The following FAM222B variants were observed in gnomAD, a reference collection of about 807,000 sequenced individuals.
The protein encoded by FAM222B is protein FAM222B.
In FAM222B, 12 loss-of-function variants were observed where a neutral mutation model predicts 38.0. The observed-to-expected ratio is 0.32, with a 90% CI of 0.20 to 0.51. FAM222B has a LOEUF of 0.51. Ranked by LOEUF, FAM222B falls within the 20% of genes least tolerant of loss-of-function variation. The probability of loss-of-function intolerance (pLI) is 0.97; values close to 1 mark genes in which losing one functional copy is unlikely to be tolerated. For synonymous variants in FAM222B, 329 were observed against 317.2 expected (o/e 1.04, Z -0.40); for missense variants, 716 against 754.2 (o/e 0.95, Z 0.59).
At chr17:28,811,354 C>A (rs770445851) in intron 1 of FAM222B, among the ~76,000 whole-genome samples, 1 of 152,134 alleles carries the variant, frequency 6.6e-6, no homozygotes, top group Admixed American at 6.6e-5. Context: ...ACAGGGGAAT[C>A]GCTTGAACCC....
intron 1 of FAM222B, among the ~76,000 whole-genome samples, chr17:28,823,639 C>A (rs1231603927): frequency 1.3e-5 from 2 of 152,190 alleles, no homozygotes; most frequent in Non-Finnish European, 2.9e-5. Context: ...CCTTCTAAAA[C>A]ATCACTTTCT....
intron 1 of FAM222B, among the ~76,000 whole-genome samples, chr17:28,821,524 T>G (rs1351270403): frequency 6.6e-6 from 1 of 152,180 alleles, no homozygotes; most frequent in African/African-American, 2.4e-5. Context: ...ACTGATGTAC[T>G]TTAAGAACAA....
intron 1 of FAM222B, among the ~76,000 whole-genome samples, chr17:28,787,055 G>A (rs967313347): frequency 6.6e-6 from 1 of 152,056 alleles, no homozygotes; most frequent in African/African-American, 2.4e-5. Context: ...CTCCTGAGTA[G>A]TTGAGACTAC....
At chr17:28,799,426 T>C (rs1855179702) in intron 1 of FAM222B, among the ~76,000 whole-genome samples, 2 of 151,536 alleles carry the variant, frequency 1.3e-5, no homozygotes, top group South Asian at 4.2e-4. Context: ...GCTTCCCAAG[T>C]AGCTGGGACC....
At chr17:28,821,510 G>A (rs1028779917) in intron 1 of FAM222B, among the ~76,000 whole-genome samples, 1 of 152,176 alleles carries the variant, frequency 6.6e-6, no homozygotes, top group East Asian at 1.9e-4. Context: ...TGACAGCTGA[G>A]AAAACTGATG....
upstream of FAM222B, among the ~76,000 whole-genome samples, chr17:28,847,682 A>G (rs2039154531): frequency 2.6e-5 from 4 of 151,984 alleles, no homozygotes; most frequent in African/African-American, 7.2e-5. Flanking sequence ...TGGGAGGCCG[A>G]TGTGGGCAGA....
chr17:28,769,346 T>A (rs1006901369), intron 1 of FAM222B, among the ~76,000 whole-genome samples: 3 of 151,188 alleles, frequency 2.0e-5, no homozygotes, highest in African/African-American at 7.3e-5. Context: ...GCCCGGATAA[T>A]TTTTTTTTGT....
At chr17:28,832,054 G>C (rs1227143002) in intron 1 of FAM222B, among the ~76,000 whole-genome samples, 1 of 152,130 alleles carries the variant, frequency 6.6e-6, no homozygotes, top group Non-Finnish European at 1.5e-5. Context: ...GCCAGGCGTG[G>C]TGGCAGGCAC....
At chr17:28,825,192 G>A (rs1172368017) in intron 1 of FAM222B, among the ~76,000 whole-genome samples, 1 of 151,960 alleles carries the variant, frequency 6.6e-6, no homozygotes, top group Non-Finnish European at 1.5e-5. Flanking sequence ...CAGCACTTTG[G>A]GAGGCCAAAG....
At chr17:28,824,700 C>A (rs1304187872) in intron 1 of FAM222B, among the ~76,000 whole-genome samples, 1 of 152,174 alleles carries the variant, frequency 6.6e-6, no homozygotes, top group East Asian at 1.9e-4. Flanking sequence ...TATACCATCA[C>A]CCCAGTCCAA....
intron 1 of FAM222B, among the ~76,000 whole-genome samples, chr17:28,804,968 C>G (rs2037411855): frequency 6.6e-6 from 1 of 151,904 alleles, no homozygotes; most frequent in Non-Finnish European, 1.5e-5. Flanking sequence ...ATGGCGTGAA[C>G]CCCATTGGCA....
intron 2 of FAM222B, among the ~76,000 whole-genome samples, chr17:28,764,211 G>A (rs541142605): frequency 2.1e-5 from 3 of 146,032 alleles, no homozygotes; most frequent in African/African-American, 7.7e-5. Flanking sequence ...GATGGAGGTT[G>A]CAGTGAACCG....
At chr17:28,785,701 A>ATT (rs913829381) in intron 1 of FAM222B, among the ~76,000 whole-genome samples, 10 of 138,490 alleles carry the variant, frequency 7.2e-5, no homozygotes, top group East Asian at 4.1e-4. Context: ...ATGCCCGGCT[A>ATT]TTTTTTTTTT....
At chr17:28,777,099 C>G (rs996432101) in intron 1 of FAM222B, 1 of 152,186 alleles carries the variant, frequency 6.6e-6, no homozygotes, top group Admixed American at 6.5e-5. Context: ...CCATCTTTAA[C>G]TCAATAGGGG....
intron 1 of FAM222B, among the ~76,000 whole-genome samples, chr17:28,778,088 C>T (rs2035977121): frequency 7.3e-6 from 1 of 136,436 alleles, no homozygotes; most frequent in Admixed American, 7.8e-5. Flanking sequence ...TGTGTTTTTG[C>T]TTTTTTATTT....
chr17:28,826,938 T>C (rs2038462195), intron 1 of FAM222B, among the ~76,000 whole-genome samples: 1 of 151,988 alleles, frequency 6.6e-6, no homozygotes, highest in Non-Finnish European at 1.5e-5. Context: ...GCCAGGAGCT[T>C]GAGACCAGCA....
chr17:28,798,007 T>C (rs1295589523), intron 1 of FAM222B, among the ~76,000 whole-genome samples: 1 of 151,854 alleles, frequency 6.6e-6, no homozygotes, highest in Non-Finnish European at 1.5e-5. Flanking sequence ...CAAGGAGCCA[T>C]GATCGTGCCA....
intron 1 of FAM222B, among the ~76,000 whole-genome samples, chr17:28,786,988 G>C (rs896797398): frequency 1.4e-5 from 2 of 142,572 alleles, no homozygotes; most frequent in Non-Finnish European, 3.0e-5. Flanking sequence ...GCAGTGGTGC[G>C]ATCTCCGCTC....
chr17:28,846,661 G>A (rs1366670646), upstream of FAM222B, among the ~76,000 whole-genome samples: 2 of 151,890 alleles, frequency 1.3e-5, no homozygotes, highest in Admixed American at 1.3e-4. Flanking sequence ...CTCCATCTCA[G>A]TAAGAATAAA....
Sources: allele counts gnomAD v4.1 joint callset (sites outside exome capture counted in the v4.1 genomes callset), GRCh38; gene constraint gnomAD v4.1.1; transcripts MANE v1.5; gene names NCBI Gene and HGNC (gene_info 2026-07-23, HGNC 2026-07-21).